The following DYM variants were observed in gnomAD, a reference collection of about 807,000 sequenced individuals.
DYM encodes dymeclin.
DYM carries 78 observed loss-of-function variants against 93.1 expected under a neutral mutation model. That is an observed-to-expected ratio of 0.84 (90% confidence interval 0.70 to 1.01). The LOEUF (loss-of-function observed/expected upper bound fraction) is 1.01. Among genes scored for constraint, DYM ranks in the 50% least tolerant of loss-of-function variants. The pLI, the probability that DYM is intolerant of heterozygous loss-of-function variation, is 0.00. For missense variants in DYM, 789 were observed against 845.0 expected, an observed-to-expected ratio of 0.93 and a Z score of 0.82; for synonymous variants, 321 against 319.7, an observed-to-expected ratio of 1.00 and a Z score of -0.04.
Position 49,201,542 on chromosome 18 carries a change from C to G in DYM, c.1625+8009G>C, listed in dbSNP as rs2091989768. Among the ~76,000 whole-genome samples, 4 of 152,170 alleles carry G rather than the reference C, an allele frequency of 2.6e-5. No individual in the cohort carries two copies. In the South Asian group the frequency reaches 8.3e-4, roughly 32 times the overall value. On this transcript the variant is annotated intron_variant, in intron 14 of 17. Coordinates refer to ENST00000675505, the MANE Select transcript of DYM (RefSeq NM_001353214.3). ...TACCAAAATCATACACAAAAAAAGCCAGAACAAATAAAATACATGAAATGG... is the reference window on the plus strand; with the variant it reads ...TACCAAAATCATACACAAAAAAAGCGAGAACAAATAAAATACATGAAATGG...
chr18:49,087,307 T>C (rs1568398845), intron 17 of DYM, among the ~76,000 whole-genome samples: 2 of 152,250 alleles, frequency 1.3e-5, no homozygotes, highest in Non-Finnish European at 2.9e-5. Context: ...ATTAAGTGTT[T>C]TAGTTTATGA....
intron 15 of DYM, among the ~76,000 whole-genome samples, chr18:49,146,384 C>A (rs555894063): frequency 2.2e-4 from 33 of 152,148 alleles, no homozygotes; most frequent in East Asian, 3.9e-4. Context: ...GTATTCAATT[C>A]GGAAAAGAGG....
chr18:49,263,890 T>A (rs2145321592), intron 11 of DYM, among the ~76,000 whole-genome samples: 1 of 152,192 alleles, frequency 6.6e-6, no homozygotes, highest in East Asian at 1.9e-4. Context: ...ATTTCAGGTG[T>A]GAGCATACTT....
In DYM at chr18:49,363,119, T is replaced by C. The variant is rs140214784; in HGVS notation, c.494+42A>G. 1.2e-3 allele frequency: 1,838 copies of C among 1,515,024 alleles called. 7 individuals are homozygous for C. Among genetic ancestry groups the C allele is most frequent in the African/African-American group, 0.011 (786 of 73,098 alleles). 93.8% of individuals were successfully genotyped at this position (1,515,024 alleles called of 1,614,324 possible). ...ACATGATCAATGATTATCTGCCATA[T>C]ACAAAGAAGATAAAACAAATCCTGG... is the stretch of plus-strand genomic sequence containing the variant. On this transcript the variant is annotated intron_variant, in intron 6 of 17. Coordinates refer to ENST00000675505, the MANE Select transcript of DYM (RefSeq NM_001353214.3).
rs770130369 is a variant in DYM at position 49,163,735 on chromosome 18, G to A, written c.1678C>T (p.Gln560Ter). The change falls in exon 15 of 18, where the codon CAG becomes TAG. Residue 560 changes from glutamine (Q) to a stop codon, truncating the protein, a stop_gained. Transcript: ENST00000675505. LOFTEE classifies it high-confidence loss of function. ...KHNKVLEQATQSLRGSLSSND... is the reference protein window; with the variant it reads ...KHNKVLEQAT The stretch of plus-strand genomic sequence containing the variant: ...GAACTCAGCGAACCTCTCAAGGACT[G>A]TGTGGCTTGTTCCAGAACTTTGTTG... 35 of 1,612,810 alleles carry A rather than the reference G, an allele frequency of 2.2e-5. No individual in the cohort carries two copies. The highest frequency in any genetic ancestry group is 2.9e-5 in the Non-Finnish European group (34 of 1,179,314).
chr18:49,449,927 T>C (rs1390871077), intron 1 of DYM, among the ~76,000 whole-genome samples: 4 of 152,204 alleles, frequency 2.6e-5, no homozygotes, highest in African/African-American at 9.7e-5. Flanking sequence ...TTACCTAAAG[T>C]AAAAGTTGCT....
chr18:49,192,699 C>A (rs920217087), intron 14 of DYM, among the ~76,000 whole-genome samples: 1 of 151,814 alleles, frequency 6.6e-6, no homozygotes. Flanking sequence ...AGTTTGAAAT[C>A]TAGTAGTGTA....
intron 6 of DYM, among the ~76,000 whole-genome samples, chr18:49,341,491 C>CAAAAAA (rs10578063): frequency 1.2e-4 from 8 of 64,916 alleles, no homozygotes; most frequent in African/African-American, 3.7e-4. Flanking sequence ...GACTCCATCG[C>CAAAAAA]AAAAAAAAAA....
At chr18:49,086,265 C>A (rs2078517520) in intron 17 of DYM, among the ~76,000 whole-genome samples, 1 of 152,156 alleles carries the variant, frequency 6.6e-6, no homozygotes, top group African/African-American at 2.4e-5. Context: ...CTGGTGGAGA[C>A]CCTCTGCAGA....
chr18:49,180,407 A>G (rs1214678110), intron 14 of DYM, among the ~76,000 whole-genome samples: 1 of 152,196 alleles, frequency 6.6e-6, no homozygotes, highest in Non-Finnish European at 1.5e-5. Context: ...AAACAATGTT[A>G]AAGTGAACAC....
At chr18:49,456,221 T>C (rs562365146) in intron 1 of DYM, among the ~76,000 whole-genome samples, 121 of 152,220 alleles carry the variant, frequency 7.9e-4, no homozygotes, top group Non-Finnish European at 1.3e-3. Flanking sequence ...GGAGGCTGGG[T>C]TCCTGATGAC....
At chr18:49,435,244 A>T (rs954103501) in intron 1 of DYM, among the ~76,000 whole-genome samples, 5 of 150,980 alleles carry the variant, frequency 3.3e-5, no homozygotes, top group African/African-American at 2.4e-5. Flanking sequence ...GAAATGAAGG[A>T]CAGCAATGTA....
chr18:49,218,391 T>C (rs1006109443), intron 13 of DYM, among the ~76,000 whole-genome samples: 1 of 152,348 alleles, frequency 6.6e-6, no homozygotes, highest in African/African-American at 2.4e-5. Context: ...AACTCAGCTC[T>C]GCACCAAGCG....
chr18:49,150,653 C>T (rs561156655), intron 15 of DYM, among the ~76,000 whole-genome samples: 2 of 152,318 alleles, frequency 1.3e-5, no homozygotes, highest in South Asian at 4.1e-4. Flanking sequence ...CTGACTAACA[C>T]AGGCTTAAAA....
chr18:49,408,523 T>C lies in DYM; in HGVS notation c.141-16878A>G, dbSNP rs376647451. Among the ~76,000 whole-genome samples, 59 of 152,336 alleles carry C rather than the reference T, an allele frequency of 3.9e-4. 1 individual carries two copies. The South Asian group carries it at 0.011, about 29-fold the overall frequency. On this transcript the variant is annotated intron_variant, in intron 2 of 17. Coordinates refer to ENST00000675505, the MANE Select transcript of DYM (RefSeq NM_001353214.3). ...TTCCAGAAAGATTACCCACCAGTAG[T>C]GCATAATTGTGGCTTATAATCTTCC...
chr18:49,171,606 T>G (rs2088736005), intron 14 of DYM, among the ~76,000 whole-genome samples: 1 of 152,144 alleles, frequency 6.6e-6, no homozygotes, highest in South Asian at 2.1e-4. Flanking sequence ...CTATTAAAAT[T>G]ATTAGAGGTG....
At chr18:49,107,526 T>A (rs1311834744) in intron 16 of DYM, among the ~76,000 whole-genome samples, 2 of 152,178 alleles carry the variant, frequency 1.3e-5, no homozygotes, top group Non-Finnish European at 2.9e-5. Flanking sequence ...TTTTTCCCCA[T>A]CTTTGTGATT....
chr18:49,068,317 G>C (rs912717740), intron 17 of DYM, among the ~76,000 whole-genome samples: 1 of 152,128 alleles, frequency 6.6e-6, no homozygotes, highest in Non-Finnish European at 1.5e-5. Flanking sequence ...TTGAAAAGAG[G>C]GTTTCTCAAG....
chr18:49,178,455 G>A (rs190064933), intron 14 of DYM, among the ~76,000 whole-genome samples: 2 of 152,254 alleles, frequency 1.3e-5, no homozygotes, highest in East Asian at 3.9e-4. Flanking sequence ...GCAATAGCAA[G>A]ATCTCTATCC....
Sources: gnomAD v4.1 joint callset for allele counts (sites outside exome capture counted in the v4.1 genomes callset) on GRCh38, gnomAD v4.1.1 for gene constraint, MANE v1.5 for transcripts, NCBI Gene and HGNC (gene_info 2026-07-23, HGNC 2026-07-21) for gene names.